XKR4: variants seen among roughly 807,000 people sequenced by gnomAD.
XKR4 encodes the protein XK-related protein 4.
In XKR4, 12 loss-of-function variants were observed where a neutral mutation model predicts 53.9. The observed-to-expected ratio is 0.22, with a 90% CI of 0.14 to 0.36. The LOEUF (loss-of-function observed/expected upper bound fraction) is 0.36, where lower values mean the gene tolerates loss of function less well. Among genes scored for constraint, XKR4 ranks in the 10% least tolerant of loss-of-function variants. The probability of loss-of-function intolerance (pLI) is 1.00; values close to 1 mark genes in which losing one functional copy is unlikely to be tolerated. For synonymous variants in XKR4, 354 were observed against 362.4 expected, an observed-to-expected ratio of 0.98 and a Z score of 0.26; for missense variants, 799 against 859.5, an observed-to-expected ratio of 0.93 and a Z score of 0.88.
intron 2 of XKR4, among the ~76,000 whole-genome samples, chr8:55,403,132 G>A (rs186679419): frequency 9.2e-5 from 14 of 152,276 alleles, no homozygotes; most frequent in Admixed American, 7.2e-4. Flanking sequence ...CTATAATAGA[G>A]TACTTGTACC....
intron 2 of XKR4, among the ~76,000 whole-genome samples, chr8:55,512,150 C>T (rs1425031809): frequency 6.6e-6 from 1 of 152,214 alleles, no homozygotes. Context: ...CCTCTGCATC[C>T]TCTAGAGCTC....
chr8:55,322,368 T>TA (rs1315529110), intron 1 of XKR4, among the ~76,000 whole-genome samples: 4 of 152,218 alleles, frequency 2.6e-5, no homozygotes, highest in Non-Finnish European at 1.5e-5. Context: ...TATGATTTAT[T>TA]TATTCATTCC....
intron 1 of XKR4, among the ~76,000 whole-genome samples, chr8:55,104,687 C>T (rs1816114292): frequency 6.6e-6 from 1 of 151,756 alleles, no homozygotes. Flanking sequence ...CATTTTTTTT[C>T]AAGCACACAC....
At chr8:55,371,088 A>G (rs1179880565) in intron 2 of XKR4, among the ~76,000 whole-genome samples, 1 of 147,930 alleles carries the variant, frequency 6.8e-6, no homozygotes, top group Non-Finnish European at 1.5e-5. Context: ...CGTATGCAAA[A>G]TGGTACAAGG....
intron 2 of XKR4, among the ~76,000 whole-genome samples, chr8:55,479,657 A>T (rs1231710431): frequency 6.6e-6 from 1 of 152,194 alleles, no homozygotes; most frequent in African/African-American, 2.4e-5. Context: ...CACTAGCAAG[A>T]CTAATAAAGA....
At chr8:55,263,813 G>A (rs1386820458) in intron 1 of XKR4, among the ~76,000 whole-genome samples, 1 of 152,162 alleles carries the variant, frequency 6.6e-6, no homozygotes, top group Non-Finnish European at 1.5e-5. Context: ...ACAGCACTTG[G>A]CTGAAACAAA....
chr8:55,477,796 AG>A (rs1487190704), intron 2 of XKR4, among the ~76,000 whole-genome samples: 1 of 152,178 alleles, frequency 6.6e-6, no homozygotes, highest in African/African-American at 2.4e-5. Context: ...ACTGGGAGAA[AG>A]GGTATCAGTG....
intron 1 of XKR4, among the ~76,000 whole-genome samples, chr8:55,210,219 G>A (rs1817712479): frequency 6.6e-6 from 1 of 151,956 alleles, no homozygotes; most frequent in African/African-American, 2.4e-5. Context: ...TGAGAAGCTG[G>A]GATTACAGGT....
At chr8:55,332,126 G>A (rs1213922821) in intron 1 of XKR4, among the ~76,000 whole-genome samples, 1 of 151,170 alleles carries the variant, frequency 6.6e-6, no homozygotes, top group East Asian at 1.9e-4. Flanking sequence ...TCTTTTTTTG[G>A]TTACCATAGG....
intron 1 of XKR4, among the ~76,000 whole-genome samples, chr8:55,132,485 A>T (rs1652606799): frequency 6.6e-6 from 1 of 152,248 alleles, no homozygotes; most frequent in South Asian, 2.1e-4. Context: ...TAAAACATTT[A>T]TAACAATATA....
At chr8:55,144,347 T>G (rs1255555242) in intron 1 of XKR4, among the ~76,000 whole-genome samples, 2 of 152,016 alleles carry the variant, frequency 1.3e-5, no homozygotes, top group Non-Finnish European at 2.9e-5. Flanking sequence ...TTTGACAAAG[T>G]CTGTATGGAA....
chr8:55,298,033 T>C (rs776589149), intron 1 of XKR4, among the ~76,000 whole-genome samples: 2 of 152,196 alleles, frequency 1.3e-5, no homozygotes, highest in Non-Finnish European at 2.9e-5. Flanking sequence ...ATTAGTTACA[T>C]TTACAGTCGA....
intron 1 of XKR4, among the ~76,000 whole-genome samples, chr8:55,141,371 T>A (rs1040178210): frequency 1.3e-5 from 2 of 152,116 alleles, no homozygotes; most frequent in African/African-American, 4.8e-5. Flanking sequence ...CGCTCTGGCA[T>A]CGCTGTGGGC....
chr8:55,366,994 A>G (rs1308350018), intron 2 of XKR4, among the ~76,000 whole-genome samples: 3 of 152,006 alleles, frequency 2.0e-5, no homozygotes, highest in African/African-American at 4.8e-5. Context: ...CTCACTTCCT[A>G]TCCTCTGTTT....
At chr8:55,206,205 C>T (rs373667612) in intron 1 of XKR4, among the ~76,000 whole-genome samples, 2 of 152,094 alleles carry the variant, frequency 1.3e-5, no homozygotes, top group Non-Finnish European at 2.9e-5. Flanking sequence ...GGGGCCGGAG[C>T]GGGTTGCCAC....
At chr8:55,239,710 A>G (rs1400164058) in intron 1 of XKR4, among the ~76,000 whole-genome samples, 1 of 152,220 alleles carries the variant, frequency 6.6e-6, no homozygotes, top group Non-Finnish European at 1.5e-5. Flanking sequence ...CCAAGTTTAT[A>G]CATCTGGTCA....
At chr8:55,385,933 AT>A (rs1012049964) in intron 2 of XKR4, among the ~76,000 whole-genome samples, 11 of 151,926 alleles carry the variant, frequency 7.2e-5, no homozygotes, top group East Asian at 1.9e-4. Context: ...TGTTGTCTTT[AT>A]TTTTTTTCTG....
At chr8:55,245,968 G>A (rs1217512598) in intron 1 of XKR4, among the ~76,000 whole-genome samples, 1 of 152,162 alleles carries the variant, frequency 6.6e-6, no homozygotes, top group Non-Finnish European at 1.5e-5. Context: ...TGGGCGTGGT[G>A]GCGCATGCCT....
chr8:55,482,576 T>C (rs1806127437), intron 2 of XKR4, among the ~76,000 whole-genome samples: 1 of 121,324 alleles, frequency 8.2e-6, no homozygotes, highest in South Asian at 2.4e-4. Flanking sequence ...AATAAATAAA[T>C]AAACACAACT....
Sources: gnomAD v4.1 joint callset for allele counts (sites outside exome capture counted in the v4.1 genomes callset) on GRCh38, gnomAD v4.1.1 for gene constraint, MANE v1.5 for transcripts, NCBI Gene and HGNC (gene_info 2026-07-23, HGNC 2026-07-21) for gene names.